Variants in LMNTD1 observed in about 807,000 individuals in gnomAD.
LMNTD1 encodes lamin tail domain containing 1, also known as lamin tail domain-containing protein 1.
LMNTD1 carries 35 observed loss-of-function variants against 50.9 expected under a neutral mutation model. The ratio of observed to expected loss-of-function variants is 0.69; its 90% CI spans 0.53 to 0.91. The LOEUF (loss-of-function observed/expected upper bound fraction) is 0.91, where lower values mean the gene tolerates loss of function less well. LMNTD1 is among the 40% of genes least tolerant of loss of function. LMNTD1 has a pLI of 0.00. For missense variants in LMNTD1, 470 were observed against 475.5 expected, an observed-to-expected ratio of 0.99 and a Z score of 0.11; for synonymous variants, 153 against 161.9, an observed-to-expected ratio of 0.94 and a Z score of 0.42.
chr12:25,621,858 T>C (rs1946479159), intron 1 of LMNTD1, among the ~76,000 whole-genome samples: 1 of 151,998 alleles, frequency 6.6e-6, no homozygotes, highest in South Asian at 2.1e-4. Context: ...TGCGCTTTTA[T>C]GCTGAATGAG....
intron 4 of LMNTD1, among the ~76,000 whole-genome samples, chr12:25,538,498 A>C (rs964444804): frequency 5.6e-4 from 80 of 142,432 alleles, no homozygotes; most frequent in African/African-American, 2.0e-3. Context: ...AGGAGAAATA[A>C]AATACTTTAT....
chr12:25,523,264 C>A (rs1941473129), intron 6 of LMNTD1, among the ~76,000 whole-genome samples: 1 of 152,146 alleles, frequency 6.6e-6, no homozygotes, highest in African/African-American at 2.4e-5. Context: ...AAACTCCTGA[C>A]CTTGTGATCC....
intron 4 of LMNTD1, among the ~76,000 whole-genome samples, chr12:25,527,689 C>T (rs199588502): frequency 0.055 from 2,378 of 42,948 alleles, 42 homozygotes; most frequent in Non-Finnish European, 0.068. Context: ...TATACACACA[C>T]ACACACACAC....
At chr12:25,521,266 T>G (rs1400454562) in intron 6 of LMNTD1, among the ~76,000 whole-genome samples, 3 of 152,200 alleles carry the variant, frequency 2.0e-5, no homozygotes, top group Non-Finnish European at 4.4e-5. Context: ...AGCCTGAGCT[T>G]TGGTGTGATA....
rs541625118 is a variant in LMNTD1, at chr12:25,584,747, G to A, written c.59-38193C>T. Reference sequence around the variant, plus strand: ...AACATAAAATCATAGCTTCAAAGTCGATTATATCATGATGGTATTATTTGC... The same window carrying A: ...AACATAAAATCATAGCTTCAAAGTCAATTATATCATGATGGTATTATTTGC... On this transcript the variant is annotated intron_variant, in intron 1 of 7. Transcript: ENST00000445693. Among the ~76,000 whole-genome samples the A allele has an allele frequency of 3.3e-5, 5 of 152,232 alleles. No homozygotes were observed. The East Asian group carries it at 9.6e-4, about 29-fold the overall frequency.
intron 1 of LMNTD1, among the ~76,000 whole-genome samples, chr12:25,585,711 T>C (rs1945494426): frequency 6.6e-6 from 1 of 152,242 alleles, no homozygotes; most frequent in South Asian, 2.1e-4. Flanking sequence ...GATGTCTAAT[T>C]AGGAAATTGT....
At chr12:25,573,077 C>A (rs182638599) in intron 1 of LMNTD1, among the ~76,000 whole-genome samples, 18 of 152,030 alleles carry the variant, frequency 1.2e-4, no homozygotes, top group Admixed American at 1.0e-3. Flanking sequence ...TCTTGTTTTT[C>A]TCCTCTAAAT....
chr12:25,494,780 T>C (rs1939005621), intron 9 of LMNTD1, among the ~76,000 whole-genome samples: 1 of 152,168 alleles, frequency 6.6e-6, no homozygotes, highest in South Asian at 2.1e-4. Flanking sequence ...AATGATTAAT[T>C]ATATATTGTG....
chr12:25,645,652 C>T (rs193195992), intron 1 of LMNTD1, among the ~76,000 whole-genome samples: 19 of 152,290 alleles, frequency 1.2e-4, no homozygotes, highest in South Asian at 4.1e-4. Flanking sequence ...AGCGATACAG[C>T]AACATCACAG....
chr12:25,543,621 T>C (rs1943241620), intron 4 of LMNTD1, among the ~76,000 whole-genome samples: 1 of 151,792 alleles, frequency 6.6e-6, no homozygotes, highest in Non-Finnish European at 1.5e-5. Flanking sequence ...TTTCTTCTAC[T>C]AATTTTCAGT....
At chr12:25,647,352 G>C (rs1418172598) in intron 1 of LMNTD1, among the ~76,000 whole-genome samples, 1 of 152,118 alleles carries the variant, frequency 6.6e-6, no homozygotes, top group African/African-American at 2.4e-5. Context: ...GGGCATGGTG[G>C]CCTGTGCCTG....
chr12:25,515,081 G>A (rs1940653141), intron 8 of LMNTD1, among the ~76,000 whole-genome samples: 2 of 152,018 alleles, frequency 1.3e-5, no homozygotes, highest in South Asian at 4.1e-4. Flanking sequence ...AAAAGTTTAG[G>A]TATGAACCCC....
intron 9 of LMNTD1, among the ~76,000 whole-genome samples, chr12:25,491,027 T>C (rs143359292): frequency 3.3e-5 from 5 of 152,338 alleles, no homozygotes; most frequent in African/African-American, 1.2e-4. Context: ...TCTTGCCAGA[T>C]AGAGATGGAG....
At chr12:25,482,871 C>T (rs1455202770) in intron 9 of LMNTD1, among the ~76,000 whole-genome samples, 1 of 151,892 alleles carries the variant, frequency 6.6e-6, no homozygotes, top group African/African-American at 2.4e-5. Context: ...AGTCTGTGTT[C>T]ACGGAAAAGA....
chr12:25,605,054 A>T (rs976003168), intron 1 of LMNTD1, among the ~76,000 whole-genome samples: 1 of 152,094 alleles, frequency 6.6e-6, no homozygotes, highest in African/African-American at 2.4e-5. Context: ...CTGGTGTGAG[A>T]TGGTATCTCA....
At chr12:25,545,070 T>G (rs1203460401) in intron 4 of LMNTD1, among the ~76,000 whole-genome samples, 1 of 151,762 alleles carries the variant, frequency 6.6e-6, no homozygotes, top group Non-Finnish European at 1.5e-5. Context: ...GGTTTTATAC[T>G]TTCAGGTGTT....
chr12:25,588,748 A>G (rs1198436776), intron 1 of LMNTD1, among the ~76,000 whole-genome samples: 1 of 152,112 alleles, frequency 6.6e-6, no homozygotes, highest in Non-Finnish European at 1.5e-5. Flanking sequence ...CTGTACATAG[A>G]TGTTTTATGT....
At chr12:25,540,634 A>AAACT (rs1942996285) in intron 4 of LMNTD1, among the ~76,000 whole-genome samples, 1 of 140,242 alleles carries the variant, frequency 7.1e-6, no homozygotes, top group Non-Finnish European at 1.6e-5. Flanking sequence ...GAATGGGCAA[A>AAACT]AACTGGAAGC....
At chr12:25,640,725 C>T (rs372140936) in intron 1 of LMNTD1, among the ~76,000 whole-genome samples, 1 of 151,906 alleles carries the variant, frequency 6.6e-6, no homozygotes, top group East Asian at 1.9e-4. Flanking sequence ...TATAGTGGCG[C>T]AAACTCAGCT....
Sources: gnomAD v4.1 joint callset for allele counts (sites outside exome capture counted in the v4.1 genomes callset) on GRCh38, gnomAD v4.1.1 for gene constraint, MANE v1.5 for transcripts, NCBI Gene and HGNC (gene_info 2026-07-23, HGNC 2026-07-21) for gene names.